DLGAP2: variants seen among roughly 807,000 people sequenced by gnomAD.
DLGAP2 encodes the protein disks large-associated protein 2.
DLGAP2 carries 26 observed loss-of-function variants against 100.3 expected under a neutral mutation model. That is an observed-to-expected ratio of 0.26 (90% CI 0.19 to 0.36). The LOEUF (loss-of-function observed/expected upper bound fraction) is 0.36. DLGAP2 is among the 10% of genes least tolerant of loss of function. The pLI is 1.00. For synonymous variants in DLGAP2, 886 were observed against 630.1 expected, an observed-to-expected ratio of 1.41 and a Z score of -6.08; for missense variants, 1,858 against 1,453.2, an observed-to-expected ratio of 1.28 and a Z score of -4.53.
At chr8:1,512,276 T>C (rs1800192913) in intron 4 of DLGAP2, among the ~76,000 whole-genome samples, 1 of 152,180 alleles carries the variant, frequency 6.6e-6, no homozygotes, top group African/African-American at 2.4e-5. Context: ...TCCCATAAAC[T>C]TAAAAATAAC....
At chr8:1,569,816 T>A (rs1319395807) in intron 6 of DLGAP2, among the ~76,000 whole-genome samples, 2 of 151,656 alleles carry the variant, frequency 1.3e-5, no homozygotes, top group Admixed American at 1.3e-4. Flanking sequence ...GCAGGGTAGA[T>A]CTTCACCCTG....
chr8:1,173,659 G>T (rs554173341), intron 2 of DLGAP2, among the ~76,000 whole-genome samples: 15 of 152,278 alleles, frequency 9.9e-5, no homozygotes, highest in African/African-American at 3.4e-4. Flanking sequence ...TCAGCAAGAC[G>T]TTATGGGCGT....
intron 2 of DLGAP2, among the ~76,000 whole-genome samples, chr8:914,254 C>G (rs1798545971): frequency 6.6e-6 from 1 of 152,240 alleles, no homozygotes; most frequent in Non-Finnish European, 1.5e-5. Flanking sequence ...GCCCCGGAGC[C>G]TCCCCCGTGA....
intron 13 of DLGAP2, among the ~76,000 whole-genome samples, chr8:1,692,526 G>C (rs1799279342): frequency 6.6e-6 from 1 of 152,294 alleles, no homozygotes; most frequent in African/African-American, 2.4e-5. Context: ...GACAGGAAGA[G>C]GCGGGCTGCA....
chr8:1,013,620 A>C (rs112100349), intron 2 of DLGAP2, among the ~76,000 whole-genome samples: 5 of 143,584 alleles, frequency 3.5e-5, no homozygotes, highest in Admixed American at 6.7e-5. Flanking sequence ...GTGTGTGACC[A>C]GGACAGACGG....
intron 7 of DLGAP2, among the ~76,000 whole-genome samples, chr8:1,627,278 A>G (rs1260866528): frequency 1.3e-5 from 2 of 152,178 alleles, no homozygotes; most frequent in African/African-American, 4.8e-5. Flanking sequence ...GTGCCTCAGA[A>G]AGTCCTGTGA....
chr8:815,961 T>C (rs904933684), intron 1 of DLGAP2, among the ~76,000 whole-genome samples: 8 of 152,234 alleles, frequency 5.3e-5, no homozygotes, highest in African/African-American at 1.9e-4. Context: ...CAGTGTATAA[T>C]GCCCATCTTT....
intron 3 of DLGAP2, among the ~76,000 whole-genome samples, chr8:1,485,031 A>G (rs566820802): frequency 1.5e-4 from 23 of 152,344 alleles, no homozygotes; most frequent in African/African-American, 5.1e-4. Flanking sequence ...AAAATTTTAC[A>G]TTACCATCAG....
chr8:1,128,503 C>T (rs1796221058), intron 2 of DLGAP2, among the ~76,000 whole-genome samples: 1 of 152,208 alleles, frequency 6.6e-6, no homozygotes, highest in Admixed American at 6.5e-5. Flanking sequence ...CTGCAGGACT[C>T]AGCGCGGTCA....
intron 1 of DLGAP2, among the ~76,000 whole-genome samples, chr8:813,213 A>C (rs1193950585): frequency 6.6e-6 from 1 of 152,074 alleles, no homozygotes; most frequent in East Asian, 1.9e-4. Context: ...TGTGATCTAC[A>C]GTTTCTGTTA....
At chr8:1,244,154 C>T (rs1275180144) in intron 2 of DLGAP2, among the ~76,000 whole-genome samples, 1 of 152,198 alleles carries the variant, frequency 6.6e-6, no homozygotes, top group Non-Finnish European at 1.5e-5. Context: ...CTGTACATGC[C>T]AGAGGCTCTT....
intron 3 of DLGAP2, among the ~76,000 whole-genome samples, chr8:1,330,064 G>A (rs1801113449): frequency 6.6e-6 from 1 of 152,222 alleles, no homozygotes; most frequent in African/African-American, 2.4e-5. Context: ...CCATGTTTGT[G>A]GTGGGTCACA....
intron 2 of DLGAP2, among the ~76,000 whole-genome samples, chr8:1,031,117 G>A (rs150969768): frequency 0.011 from 1,623 of 152,334 alleles, 23 homozygotes; most frequent in Non-Finnish European, 0.016. Flanking sequence ...TGCTGGTATT[G>A]CGTCTTACGA....
chr8:1,456,385 G>C, intron 3 of DLGAP2, among the ~76,000 whole-genome samples: 1 of 152,228 alleles, frequency 6.6e-6, no homozygotes, highest in Admixed American at 6.5e-5. Flanking sequence ...TAATGGTGCC[G>C]TGTATCTAAA....
intron 8 of DLGAP2, among the ~76,000 whole-genome samples, chr8:1,640,427 G>A (rs1253414373): frequency 6.6e-6 from 1 of 152,216 alleles, no homozygotes; most frequent in Admixed American, 6.5e-5. Context: ...CCAAATGCCA[G>A]AAACCTGGCA....
At chr8:845,862 C>A (rs560929016) in intron 1 of DLGAP2, among the ~76,000 whole-genome samples, 1 of 152,318 alleles carries the variant, frequency 6.6e-6, no homozygotes, top group Admixed American at 6.5e-5. Flanking sequence ...GATCCAACTT[C>A]TTTCTTTGGC....
At chr8:1,323,498 G>C (rs1410046737) in intron 3 of DLGAP2, among the ~76,000 whole-genome samples, 3 of 152,202 alleles carry the variant, frequency 2.0e-5, no homozygotes, top group Non-Finnish European at 2.9e-5. Context: ...GGCTCCTGCT[G>C]TACCAGGTTG....
chr8:892,029 G>A (rs1434814177), intron 1 of DLGAP2, among the ~76,000 whole-genome samples: 1 of 152,240 alleles, frequency 6.6e-6, no homozygotes, highest in East Asian at 1.9e-4. Flanking sequence ...CCTTAGGATG[G>A]CCACTGTCAA....
intron 2 of DLGAP2, among the ~76,000 whole-genome samples, chr8:1,156,426 C>G (rs994896227): frequency 6.6e-5 from 10 of 152,190 alleles, no homozygotes; most frequent in African/African-American, 2.4e-4. Context: ...ACACAGTGTC[C>G]CTGTCAGGCC....
Sources: allele counts gnomAD v4.1 joint callset (sites outside exome capture counted in the v4.1 genomes callset), GRCh38; gene constraint gnomAD v4.1.1; transcripts MANE v1.5; gene names NCBI Gene and HGNC (gene_info 2026-07-23, HGNC 2026-07-21).